The following FZD3 variants were observed in gnomAD, a reference collection of about 807,000 sequenced individuals.
FZD3 encodes frizzled class receptor 3, also known as frizzled-3.
Under a neutral mutation model 60.7 loss-of-function variants are expected in FZD3, and 30 were observed. That is an observed-to-expected ratio of 0.49 (90% CI 0.37 to 0.67). The LOEUF is 0.67. Among genes scored for constraint, FZD3 ranks in the 30% least tolerant of loss-of-function variants. The pLI, the probability that FZD3 is intolerant of heterozygous loss-of-function variation, is 0.00. For synonymous variants in FZD3, 246 were observed against 275.2 expected, an observed-to-expected ratio of 0.89 and a Z score of 1.05; for missense variants, 605 against 838.7, an observed-to-expected ratio of 0.72 and a Z score of 3.44.
At chr8:28,561,599 T>TAAA (rs5890425) in intron 7 of FZD3, among the ~76,000 whole-genome samples, 1 of 147,628 alleles carries the variant, frequency 6.8e-6, no homozygotes, top group Non-Finnish European at 1.5e-5. Context: ...GATGACTGTT[T>TAAA]AAAAAAAAAA....
intron 4 of FZD3, among the ~76,000 whole-genome samples, chr8:28,522,033 T>C (rs1804593613): frequency 1.3e-5 from 2 of 152,200 alleles, no homozygotes; most frequent in Non-Finnish European, 2.9e-5. Flanking sequence ...ACGTTGTTGA[T>C]AGGTTCTCAG....
At position 28,566,016 on chromosome 8, in the gene FZD3, A is replaced by G. The variant is rs1028118241; in HGVS notation, c.*3005A>G. On this transcript the variant is annotated 3_prime_UTR_variant, in exon 8 of 8. Coordinates refer to ENST00000240093, the MANE Select transcript of FZD3 (RefSeq NM_017412.4). The stretch of plus-strand genomic sequence containing the variant: ...AACTAGACAAAAGATCTAAGATAAT[A>G]TTAAACTCAAAACAGTTTGTTTCAA... The G allele has an allele frequency of 1.6e-4, 24 of 152,312 alleles. No individual in the cohort carries two copies. Among genetic ancestry groups the G allele is most frequent in the African/African-American group, 5.8e-4 (24 of 41,584 alleles). The allele number at this position is 152,312 out of a possible 1,614,324, so 9.4% of individuals were successfully genotyped here.
chr8:28,519,615 A>G (rs1804519537), intron 3 of FZD3, among the ~76,000 whole-genome samples: 1 of 151,824 alleles, frequency 6.6e-6, no homozygotes, highest in African/African-American at 2.4e-5. Flanking sequence ...CTGTAGTCCC[A>G]GCTACTCAGG....
In FZD3 at chr8:28,510,673, A is replaced by T. The variant is rs1278185268; in HGVS notation, c.189+7471A>T. 2.0e-5 allele frequency among the ~76,000 whole-genome samples: 3 copies of T among 152,252 alleles called. No homozygotes were observed. In the East Asian group the frequency reaches 5.8e-4, roughly 29 times the overall value. ...ATCAACTGTGGACAGTAACAATATA[A>T]TATCCATGTGCCATCATTAGAATAG... On this transcript the variant is annotated intron_variant, in intron 3 of 7. Coordinates refer to ENST00000240093, the MANE Select transcript of FZD3 (RefSeq NM_017412.4).
chr8:28,538,345 C>T (rs542411436), intron 5 of FZD3, among the ~76,000 whole-genome samples: 5 of 152,068 alleles, frequency 3.3e-5, no homozygotes, highest in Non-Finnish European at 5.9e-5. Flanking sequence ...ATCATAGTTG[C>T]TTCTAGTTTT....
chr8:28,504,838 A>G (rs1357380801), intron 3 of FZD3, among the ~76,000 whole-genome samples: 2 of 152,224 alleles, frequency 1.3e-5, no homozygotes, highest in African/African-American at 2.4e-5. Context: ...TGGGGCATTC[A>G]TTCATAGTGA....
At chr8:28,529,783 T>A (rs2130382703) in intron 5 of FZD3, among the ~76,000 whole-genome samples, 1 of 152,264 alleles carries the variant, frequency 6.6e-6, no homozygotes, top group East Asian at 1.9e-4. Flanking sequence ...TTCAATTTCT[T>A]GCCAGAACTG....
At chr8:28,507,401 G>A (rs937460230) in intron 3 of FZD3, among the ~76,000 whole-genome samples, 4 of 152,132 alleles carry the variant, frequency 2.6e-5, no homozygotes, top group African/African-American at 9.7e-5. Flanking sequence ...CACGAGTTTG[G>A]TTTTTTATTG....
chr8:28,498,699 G>C (rs1330937430), intron 1 of FZD3, among the ~76,000 whole-genome samples: 2 of 152,122 alleles, frequency 1.3e-5, no homozygotes, highest in African/African-American at 4.8e-5. Flanking sequence ...AGCCCCTCCT[G>C]AATAGCTGGG....
At chr8:28,547,533 T>C (rs990443509) in intron 5 of FZD3, among the ~76,000 whole-genome samples, 1 of 152,218 alleles carries the variant, frequency 6.6e-6, no homozygotes, top group African/African-American at 2.4e-5. Flanking sequence ...CGTCCACACA[T>C]TTGCTAATGC....
At chr8:28,501,822 G>A (rs755714786) in intron 2 of FZD3, among the ~76,000 whole-genome samples, 3 of 152,164 alleles carry the variant, frequency 2.0e-5, no homozygotes, top group Non-Finnish European at 4.4e-5. Context: ...CAGCATGGCT[G>A]TGTGTAATGA....
chr8:28,508,638 C>T (rs1276842288), intron 3 of FZD3, among the ~76,000 whole-genome samples: 2 of 151,922 alleles, frequency 1.3e-5, no homozygotes, highest in African/African-American at 4.8e-5. Flanking sequence ...GTAGCTGGGA[C>T]TACAGGTGTA....
chr8:28,515,030 G>A (rs982222807), intron 3 of FZD3, among the ~76,000 whole-genome samples: 1 of 152,194 alleles, frequency 6.6e-6, no homozygotes, highest in Non-Finnish European at 1.5e-5. Flanking sequence ...GTCTATCTTT[G>A]TAGTTGTGTG....
intron 7 of FZD3, 68 bp downstream of exon 7, chr8:28,556,039 A>G: frequency 2.0e-6 from 2 of 1,005,326 alleles, no homozygotes; most frequent in Non-Finnish European, 3.1e-6. Flanking sequence ...AAGAAAGAGG[A>G]GCAGCCAATT....
intron 7 of FZD3, among the ~76,000 whole-genome samples, chr8:28,561,016 T>C (rs1438996537): frequency 6.6e-6 from 1 of 152,214 alleles, no homozygotes; most frequent in Non-Finnish European, 1.5e-5. Flanking sequence ...TATTTATCTT[T>C]TCACATTTAA....
Position 28,527,906 on chromosome 8 carries a change from T to C in FZD3, c.1146T>C (p.Tyr382=). 6.2e-7 allele frequency: 1 copy of C among 1,614,130 alleles called. No individual in the cohort carries two copies. The highest frequency in any genetic ancestry group is 8.5e-7 in the Non-Finnish European group (1 of 1,179,970). ...TTGTTCTTGCTCCCCTCTGCCTGTA[T>C]GTGGTAGTTGGGGTTTCTCTCCTCT... ...RYFVLAPLCL[Y]VVVGVSLLLA... is the part of the protein sequence containing the mutation. The change falls in exon 5 of 8, where the codon TAT becomes TAC. Residue 382 remains tyrosine, a synonymous_variant. Coordinates refer to ENST00000240093, the MANE Select transcript of FZD3 (RefSeq NM_017412.4). The surrounding 1 kb of genome is among the most constrained non-coding windows in gnomAD (Gnocchi z 5.0).
In FZD3 at chr8:28,570,765, A is replaced by G. The variant is rs1264127082; in HGVS notation, c.*7754A>G. On this transcript the variant is annotated 3_prime_UTR_variant, in exon 8 of 8. Coordinates refer to ENST00000240093, the MANE Select transcript of FZD3 (RefSeq NM_017412.4). ...TTTGAAAATCATTGTGTTTGCTCTG[A>G]TTGTCTACATTAGCTCATATCAGTC... is the stretch of plus-strand genomic sequence containing the variant. 1.3e-5 allele frequency: 2 copies of G among 152,050 alleles called. No individual in the cohort carries two copies. The highest frequency in any genetic ancestry group is 4.8e-5 in the African/African-American group (2 of 41,372). 9.4% of individuals were successfully genotyped at this position (152,050 alleles called of 1,614,324 possible).
At chr8:28,512,130 A>G (rs1290480338) in intron 3 of FZD3, among the ~76,000 whole-genome samples, 8 of 151,606 alleles carry the variant, frequency 5.3e-5, no homozygotes, top group African/African-American at 1.5e-4. Context: ...TTCTTTTTCT[A>G]TTTTTTGGGT....
intron 1 of FZD3, among the ~76,000 whole-genome samples, chr8:28,499,219 G>A (rs1451847996): frequency 6.6e-6 from 1 of 152,118 alleles, no homozygotes; most frequent in East Asian, 1.9e-4. Context: ...TAGTTTTACT[G>A]TGTTACATGT....
Sources: gnomAD v4.1 joint callset for allele counts (sites outside exome capture counted in the v4.1 genomes callset) on GRCh38, gnomAD v4.1.1 for gene constraint, Gnocchi (gnomAD v3.1) non-coding constraint, MANE v1.5 for transcripts, NCBI Gene and HGNC (gene_info 2026-07-23, HGNC 2026-07-21) for gene names.